PIK3CA: variants seen among roughly 807,000 people sequenced by gnomAD.
PIK3CA encodes the protein phosphatidylinositol-4,5-bisphosphate 3-kinase catalytic subunit alpha, also known as phosphatidylinositol 4,5-bisphosphate 3-kinase catalytic subunit alpha isoform.
Under a neutral mutation model 138.2 loss-of-function variants are expected in PIK3CA, and 27 were observed. The ratio of observed to expected loss-of-function variants is 0.20; its 90% confidence interval spans 0.14 to 0.27. PIK3CA has a LOEUF of 0.27. Ranked by LOEUF, PIK3CA falls within the 10% of genes least tolerant of loss-of-function variation. PIK3CA has a pLI of 1.00. For missense variants in PIK3CA, 544 were observed against 1,277.4 expected, an observed-to-expected ratio of 0.43 and a Z score of 8.75; for synonymous variants, 358 against 413.2, an observed-to-expected ratio of 0.87 and a Z score of 1.62.
intron 1 of PIK3CA, among the ~76,000 whole-genome samples, chr3:179,179,717 A>G (rs1723792263): frequency 6.6e-6 from 1 of 152,166 alleles, no homozygotes; most frequent in African/African-American, 2.4e-5. Flanking sequence ...TCCTATCCAA[A>G]TACATATTTG....
chr3:179,185,004 GA>G (rs1230868025), intron 1 of PIK3CA, among the ~76,000 whole-genome samples: 1 of 152,206 alleles, frequency 6.6e-6, no homozygotes, highest in Non-Finnish European at 1.5e-5. Context: ...ATGATATAAG[GA>G]AATAAGCTAG....
At chr3:179,217,453 C>T (rs1444336312) in intron 9 of PIK3CA, among the ~76,000 whole-genome samples, 1 of 152,058 alleles carries the variant, frequency 6.6e-6, no homozygotes, top group Non-Finnish European at 1.5e-5. Context: ...CTTCATGCTG[C>T]TGAATAAGTT....
intron 6 of PIK3CA, among the ~76,000 whole-genome samples, chr3:179,206,369 T>C (rs1724561590): frequency 1.3e-5 from 2 of 152,306 alleles, no homozygotes; most frequent in Middle Eastern, 3.4e-3. Flanking sequence ...AGGATCTTTT[T>C]AAATTCTTGC....
intron 15 of PIK3CA, 123 bp from the exon 16 acceptor site, chr3:179,224,577 G>T: frequency 1.8e-6 from 1 of 566,438 alleles, no homozygotes; most frequent in South Asian, 5.3e-5. Context: ...AAAAATTGAG[G>T]TGAAAGTTGT....
In PIK3CA at chr3:179,230,798, CA is replaced by C. The variant is rs1217216092; in HGVS notation, c.2936+427del. Among the ~76,000 whole-genome samples the C allele has an allele frequency of 6.6e-6, 1 of 152,074 alleles. No homozygotes were observed. The highest frequency in any genetic ancestry group is 1.5e-5 in the Non-Finnish European group (1 of 67,994). On this transcript the variant is annotated intron_variant, in intron 20 of 20. Transcript: ENST00000263967. This position sits in a 1 kb window ranked among gnomAD's most constrained non-coding sequence, Gnocchi z 5.4. ...AATAGAAGTTCTTTTACCACTTCAGCAAAAACTATTTTTTGTTTGTTTTTTA... is the reference window on the plus strand; with the variant it reads ...AATAGAAGTTCTTTTACCACTTCAGCAAAACTATTTTTTGTTTGTTTTTTA...
intron 1 of PIK3CA, among the ~76,000 whole-genome samples, chr3:179,160,940 G>A (rs1723262916): frequency 7.0e-6 from 1 of 143,526 alleles, no homozygotes; most frequent in African/African-American, 2.8e-5. Context: ...ACAGTAGTTT[G>A]TTCAATGTTA....
At chr3:179,183,381 G>A (rs1723897943) in intron 1 of PIK3CA, among the ~76,000 whole-genome samples, 1 of 152,092 alleles carries the variant, frequency 6.6e-6, no homozygotes. Context: ...GACTTGGGGT[G>A]TATTCACTTA....
intron 1 of PIK3CA, among the ~76,000 whole-genome samples, chr3:179,177,009 A>G (rs1158694677): frequency 6.6e-6 from 1 of 152,092 alleles, no homozygotes; most frequent in Admixed American, 6.5e-5. Flanking sequence ...ATGGGGATAC[A>G]TTTTTGTTTT....
intron 1 of PIK3CA, among the ~76,000 whole-genome samples, chr3:179,172,377 A>G (rs1293653356): frequency 6.6e-6 from 1 of 152,154 alleles, no homozygotes; most frequent in African/African-American, 2.4e-5. Flanking sequence ...TGGAGGTCCT[A>G]GCTAATGCAG....
At position 179,224,643 on chromosome 3, in the gene PIK3CA, C is replaced by G. The variant is rs2699889; in HGVS notation, c.2295-57C>G. ...TGTATTTATATTTTAAAATAAATTT[C>G]AGGGTAAAATAATAATAAAGCAAAG... is the stretch of plus-strand genomic sequence containing the variant. On this transcript the variant is annotated intron_variant, in intron 15 of 20. Coordinates refer to ENST00000263967, the MANE Select transcript of PIK3CA (RefSeq NM_006218.4). The G allele has an allele frequency of 0.6, 677,779 of 1,124,138 alleles. 211,742 individuals carry two copies. The highest frequency in any genetic ancestry group is 0.92 in the African/African-American group (58,808 of 63,962). The allele number at this position is 1,124,138 out of a possible 1,614,324, so 69.6% of individuals were successfully genotyped here.
chr3:179,239,894 G>A lies in PIK3CA; in HGVS notation c.*5530G>A. 1.5e-6 allele frequency: 1 copy of A among 688,674 alleles called. No homozygotes were observed. Among genetic ancestry groups the A allele is most frequent in the East Asian group, 2.9e-5 (1 of 34,432 alleles). The allele number at this position is 688,674 out of a possible 1,614,324, so 42.7% of individuals were successfully genotyped here. On this transcript the variant is annotated 3_prime_UTR_variant, in exon 21 of 21. Transcript: ENST00000263967. ...AAGCATTTGACACAGCAAGATGCAT[G>A]TGTTACTATATTGAGAATATAGAAT...
chr3:179,201,501 T>C lies in PIK3CA; in HGVS notation c.774T>C (p.Asp258=). Residue 258 remains aspartate, a synonymous_variant, in exon 4 of 21, where the codon GAT becomes GAC. Transcript: ENST00000263967. ...ATATTTTAAAAGTGTGTGGATGTGA[T>C]GAATACTTCCTAGAAAAATATCCTC... The part of the protein sequence containing the change: ...GKYILKVCGC[D]EYFLEKYPLS... The C allele has an allele frequency of 6.2e-7, 1 of 1,608,392 alleles. No individual in the cohort carries two copies. Among genetic ancestry groups the C allele is most frequent in the African/African-American group, 1.3e-5 (1 of 74,898 alleles).
chr3:179,157,518 G>A (rs1214621831), intron 1 of PIK3CA, among the ~76,000 whole-genome samples: 1 of 152,084 alleles, frequency 6.6e-6, no homozygotes, highest in Non-Finnish European at 1.5e-5. Flanking sequence ...ATCATTTTGA[G>A]TAAATCTACC....
In PIK3CA at chr3:179,234,530, G is replaced by A. The variant is rs775316686; in HGVS notation, c.*166G>A. 41 of 477,892 alleles carry A rather than the reference G, an allele frequency of 8.6e-5. No homozygotes were observed. Among genetic ancestry groups the A allele is most frequent in the Admixed American group, 2.0e-4 (5 of 25,430 alleles). 29.6% of individuals were successfully genotyped at this position (477,892 alleles called of 1,614,324 possible). On this transcript the variant is annotated 3_prime_UTR_variant, in exon 21 of 21. Coordinates refer to ENST00000263967, the MANE Select transcript of PIK3CA (RefSeq NM_006218.4). The surrounding 1 kb of genome is among the most constrained non-coding windows in gnomAD (Gnocchi z 5.1). Reference sequence around the variant, plus strand: ...ACTATATAATTTAAATAATGTAAACGCAAACAGGGTTTGATAGCACTTAAA... The same window carrying A: ...ACTATATAATTTAAATAATGTAAACACAAACAGGGTTTGATAGCACTTAAA...
intron 1 of PIK3CA, among the ~76,000 whole-genome samples, chr3:179,171,540 C>T (rs1399092483): frequency 1.3e-5 from 2 of 151,858 alleles, no homozygotes; most frequent in African/African-American, 4.8e-5. Flanking sequence ...ATTAGAAATA[C>T]TGAGAATGAA....
chr3:179,187,040 T>G (rs1055401434), intron 1 of PIK3CA, among the ~76,000 whole-genome samples: 14 of 126,158 alleles, frequency 1.1e-4, no homozygotes, highest in Non-Finnish European at 1.8e-4. Context: ...AGGGAAGTGT[T>G]TTTTTTTTCC....
At position 179,218,147 on chromosome 3, in the gene PIK3CA, T is replaced by A. The variant is rs185587620; in HGVS notation, c.1540-63T>A. ...GTATTTGCTTTTTCTGTAAATCATC[T>A]GTGAATCCAGAGGGGAAAAATATGA... On this transcript the variant is annotated intron_variant, in intron 9 of 20. Coordinates refer to ENST00000263967, the MANE Select transcript of PIK3CA (RefSeq NM_006218.4). 5 of 1,353,300 alleles carry A rather than the reference T, an allele frequency of 3.7e-6. No individual in the cohort carries two copies. The East Asian group carries it at 7.9e-5, about 21-fold the overall frequency. 83.8% of individuals were successfully genotyped at this position (1,353,300 alleles called of 1,614,324 possible). A position where few individuals can be genotyped will look rare whatever the true frequency, so the allele number is the denominator to read the frequency against.
At chr3:179,233,505 AAAAG>A in intron 20 of PIK3CA, 1 of 393,222 alleles carries the variant, frequency 2.5e-6, no homozygotes, top group Non-Finnish European at 4.5e-6. Flanking sequence ...TTAAGGCCTA[AAAAG>A]AAAGTAATCC....
At chr3:179,162,996 T>C (rs1159561974) in intron 1 of PIK3CA, among the ~76,000 whole-genome samples, 4 of 152,096 alleles carry the variant, frequency 2.6e-5, no homozygotes, top group African/African-American at 9.7e-5. Context: ...GCTATCAAAA[T>C]ATACAATACA....
Sources: allele counts gnomAD v4.1 joint callset (sites outside exome capture counted in the v4.1 genomes callset), GRCh38; gene constraint gnomAD v4.1.1; non-coding constraint Gnocchi (gnomAD v3.1); transcripts MANE v1.5; gene names NCBI Gene and HGNC (gene_info 2026-07-23, HGNC 2026-07-21).